MRPL42: variants seen among roughly 807,000 people sequenced by gnomAD.
MRPL42 encodes mitochondrial ribosomal protein L42.
In MRPL42, 17 loss-of-function variants were observed where a neutral mutation model predicts 17.9. That is an observed-to-expected ratio of 0.95 (90% CI 0.65 to 1.42). The LOEUF (loss-of-function observed/expected upper bound fraction) is 1.42, where lower values mean the gene tolerates loss of function less well. MRPL42 is among the 40% of genes most tolerant of loss of function. MRPL42 has a pLI of 0.00. For synonymous variants in MRPL42, 59 were observed against 54.4 expected (o/e 1.08, Z -0.37); for missense variants, 177 against 175.2 (o/e 1.01, Z -0.06).
At chr12:93,485,019 T>C (rs759529683) in intron 4 of MRPL42, among the ~76,000 whole-genome samples, 390 of 42,438 alleles carry the variant, frequency 9.2e-3, no homozygotes, top group Middle Eastern at 0.024. Flanking sequence ...TATATATATA[T>C]ATATATATAA....
chr12:93,476,312 G>A (rs999110695), intron 2 of MRPL42, among the ~76,000 whole-genome samples: 17 of 151,932 alleles, frequency 1.1e-4, no homozygotes, highest in African/African-American at 3.1e-4. Flanking sequence ...TCAGTCTCCC[G>A]AGTAGCTGAC....
chr12:93,469,164 C>A, intron 1 of MRPL42, 28 bp from the exon 2 acceptor site: 1 of 668,650 alleles, frequency 1.5e-6, no homozygotes, highest in East Asian at 2.8e-5. Context: ...CCATAGGTAG[C>A]ACTGATTTTT....
At chr12:93,469,432 G>T in intron 2 of MRPL42, 77 bp downstream of exon 2, 3 of 998,236 alleles carry the variant, frequency 3.0e-6, no homozygotes, top group Non-Finnish European at 2.9e-6. Flanking sequence ...TTTAGTTATT[G>T]TATATGCCTG....
At position 93,473,592 on chromosome 12, in the gene MRPL42, C is replaced by T. The variant is rs145539841; in HGVS notation, c.71-3362C>T. Among the ~76,000 whole-genome samples, 812 of 152,114 alleles carry T rather than the reference C, an allele frequency of 5.3e-3. 8 individuals are homozygous for T. Among genetic ancestry groups the T allele is most frequent in the African/African-American group, 0.012 (517 of 41,500 alleles). On this transcript the variant is annotated intron_variant, in intron 2 of 5. Transcript: ENST00000549982. ...GATTATAGGCATGTACCACCATGCC[C>T]GGCTAATTTTGTATTTTTAGTAGAG...
rs114546777 is a variant in MRPL42 at position 93,472,589 on chromosome 12, A to G, written c.70+3234A>G. Reference sequence around the variant, plus strand: ...TGAGACCCTGTCTCAAAAATAAAAAATTAAAATTAAAGAAAGTTTCATTAC... The same window carrying G: ...TGAGACCCTGTCTCAAAAATAAAAAGTTAAAATTAAAGAAAGTTTCATTAC... On this transcript the variant is annotated intron_variant, in intron 2 of 5. Coordinates refer to ENST00000549982, the MANE Select transcript of MRPL42 (RefSeq NM_014050.4). Among the ~76,000 whole-genome samples, 565 of 152,296 alleles carry G rather than the reference A, an allele frequency of 3.7e-3. 4 individuals carry two copies. Among genetic ancestry groups the G allele is most frequent in the African/African-American group, 0.012 (504 of 41,562 alleles).
At position 93,513,851 on chromosome 12, in the gene MRPL42, A is replaced by G. The variant is rs1012390907; in HGVS notation, c.*12630A>G. On this transcript the variant is annotated 3_prime_UTR_variant, in exon 6 of 6. Transcript: ENST00000549982. ...CTATCCTTTCATCACAGATAGTTCA[A>G]TGACTCCTGTTTTTTTTTAGACCGA... The G allele has an allele frequency of 5.3e-5, 8 of 152,154 alleles. No homozygotes were observed. Among genetic ancestry groups the G allele is most frequent in the African/African-American group, 1.9e-4 (8 of 41,424 alleles). 9.4% of individuals were successfully genotyped at this position (152,154 alleles called of 1,614,324 possible). A position where few individuals can be genotyped will look rare whatever the true frequency, so the allele number is the denominator to read the frequency against.
In MRPL42 at chr12:93,516,077, C is replaced by T. The variant is rs1013487646; in HGVS notation, c.*14856C>T. 1.3e-5 allele frequency: 2 copies of T among 152,266 alleles called. No individual in the cohort carries two copies. The highest frequency in any genetic ancestry group is 1.9e-4 in the East Asian group (1 of 5,180). The allele number at this position is 152,266 out of a possible 1,614,324, so 9.4% of individuals were successfully genotyped here. On this transcript the variant is annotated 3_prime_UTR_variant, in exon 6 of 6. Coordinates refer to ENST00000549982, the MANE Select transcript of MRPL42 (RefSeq NM_014050.4). ...GATAGTATCCAATCTGGAGCAAACC[C>T]GTTTCCTTAGACCCTCTCCCAATCC...
chr12:93,497,883 A>G (rs1400677317), intron 5 of MRPL42, among the ~76,000 whole-genome samples: 1 of 150,390 alleles, frequency 6.6e-6, no homozygotes, highest in Non-Finnish European at 1.5e-5. Context: ...AACTACCTAC[A>G]TGATTTGGTC....
chr12:93,487,689 C>G, intron 5 of MRPL42, 29 bp downstream of exon 5: 8 of 1,535,920 alleles, frequency 5.2e-6, no homozygotes, highest in Non-Finnish European at 6.2e-6. Flanking sequence ...TCTTCAATCC[C>G]TACTACATAC....
Position 93,487,630 on chromosome 12 carries a change from C to T in MRPL42, c.353C>T (p.Thr118Ile), listed in dbSNP as rs769435626. 6 of 1,613,032 alleles carry T rather than the reference C, an allele frequency of 3.7e-6. No homozygotes were observed. Among genetic ancestry groups the T allele is most frequent in the Non-Finnish European group, 5.1e-6 (6 of 1,179,372 alleles). The change falls in exon 5 of 6, where the codon ACT becomes ATT. Residue 118 changes from threonine to isoleucine, a missense_variant. Thr to Ile is a moderately conservative substitution (Grantham distance 89, BLOSUM62 -1). Transcript: ENST00000549982. ...MIEQLSKMFFTTKHRWYPHGR... is the reference protein window; with the variant it reads ...MIEQLSKMFFITKHRWYPHGR... ...GAACAACTTAGCAAAATGTTCTTTA[C>T]TACTAAGCACCGTTGGTATCCTCAT...
In MRPL42 at chr12:93,501,240, A is replaced by G; in HGVS notation, c.*19A>G. The G allele has an allele frequency of 6.3e-7, 1 of 1,587,768 alleles. No individual in the cohort carries two copies. Among genetic ancestry groups the G allele is most frequent in the Non-Finnish European group, 8.5e-7 (1 of 1,169,888 alleles). On this transcript the variant is annotated 3_prime_UTR_variant, in exon 6 of 6. Coordinates refer to ENST00000549982, the MANE Select transcript of MRPL42 (RefSeq NM_014050.4). ...CAGATGATGCGGAGGTTCCTGGGGG[A>G]ATCAAAGAGAAATGTGCCTCATTTG...
chr12:93,496,455 A>G (rs757411521), intron 5 of MRPL42, among the ~76,000 whole-genome samples: 2 of 152,104 alleles, frequency 1.3e-5, no homozygotes, highest in African/African-American at 2.4e-5. Flanking sequence ...CTAATAAACT[A>G]TAATTATATG....
chr12:93,495,363 A>G (rs1320824557), intron 5 of MRPL42, among the ~76,000 whole-genome samples: 1 of 152,116 alleles, frequency 6.6e-6, no homozygotes, highest in Non-Finnish European at 1.5e-5. Context: ...AGCTGGGACT[A>G]CAGAAGCATA....
chr12:93,507,861 C>G lies in MRPL42; in HGVS notation c.*6640C>G, dbSNP rs577213533. 1 of 152,670 alleles carries G rather than the reference C, an allele frequency of 6.6e-6. No homozygotes were observed. The highest frequency in any genetic ancestry group is 2.4e-5 in the African/African-American group (1 of 41,458). 9.5% of individuals were successfully genotyped at this position (152,670 alleles called of 1,614,324 possible). ...GCATGATGACTCACACCTGTAATCC[C>G]AGCACTTTGGGAGGCCAAGGTTGGG... On this transcript the variant is annotated 3_prime_UTR_variant, in exon 6 of 6. Coordinates refer to ENST00000549982, the MANE Select transcript of MRPL42 (RefSeq NM_014050.4).
rs1401070166 is a variant in MRPL42 at position 93,509,303 on chromosome 12, T to A, written c.*8082T>A. The A allele has an allele frequency of 6.6e-6, 1 of 152,088 alleles. No individual in the cohort carries two copies. The allele number at this position is 152,088 out of a possible 1,614,324, so 9.4% of individuals were successfully genotyped here. On this transcript the variant is annotated 3_prime_UTR_variant, in exon 6 of 6. Coordinates refer to ENST00000549982, the MANE Select transcript of MRPL42 (RefSeq NM_014050.4). ...ATATTCTTGCCCTCATTTGATAATATTTTTAGTTTTAGCCATTCTAATGGA... is the reference window on the plus strand; with the variant it reads ...ATATTCTTGCCCTCATTTGATAATAATTTTAGTTTTAGCCATTCTAATGGA...
chr12:93,502,687 A>G lies in MRPL42; in HGVS notation c.*1466A>G, dbSNP rs1362579397. The G allele has an allele frequency of 6.6e-6, 1 of 152,202 alleles. No individual in the cohort carries two copies. The highest frequency in any genetic ancestry group is 2.4e-5 in the African/African-American group (1 of 41,456). 9.4% of individuals were successfully genotyped at this position (152,202 alleles called of 1,614,324 possible). ...TTTGTCGATGGTGTATTCTTGAAAA[A>G]TGTTTGGTTTTCTTTCAGGTTGACT... is the stretch of plus-strand genomic sequence containing the variant. On this transcript the variant is annotated 3_prime_UTR_variant, in exon 6 of 6. Transcript: ENST00000549982.
chr12:93,482,859 T>C (rs1880526338), intron 4 of MRPL42, among the ~76,000 whole-genome samples: 1 of 151,822 alleles, frequency 6.6e-6, no homozygotes. Context: ...GTGCCGGGCT[T>C]ACAAGCATGA....
intron 4 of MRPL42, among the ~76,000 whole-genome samples, chr12:93,482,699 C>T (rs921450090): frequency 3.3e-5 from 5 of 152,152 alleles, no homozygotes; most frequent in African/African-American, 1.2e-4. Flanking sequence ...AATCCTCCCA[C>T]TTTAGCCTCA....
intron 2 of MRPL42, among the ~76,000 whole-genome samples, chr12:93,469,604 C>A (rs1439002343): frequency 3.3e-5 from 5 of 150,238 alleles, no homozygotes. Flanking sequence ...TGAGACCAGC[C>A]TGGGCAACAT....
Sources: allele counts gnomAD v4.1 joint callset (sites outside exome capture counted in the v4.1 genomes callset), GRCh38; gene constraint gnomAD v4.1.1; transcripts MANE v1.5; gene names NCBI Gene and HGNC (gene_info 2026-07-23, HGNC 2026-07-21).